The following SUGCT variants were observed in gnomAD, a reference collection of about 807,000 sequenced individuals.
The protein encoded by SUGCT is succinyl-CoA:glutarate CoA-transferase.
SUGCT carries 41 observed loss-of-function variants against 55.0 expected under a neutral mutation model. The ratio of observed to expected loss-of-function variants is 0.74; its 90% CI spans 0.58 to 0.97. The LOEUF is 0.97. SUGCT is among the 50% of genes least tolerant of loss of function. The pLI, the probability that SUGCT is intolerant of heterozygous loss-of-function variation, is 0.00. For synonymous variants in SUGCT, 187 were observed against 200.4 expected, an observed-to-expected ratio of 0.93 and a Z score of 0.56; for missense variants, 568 against 547.8, an observed-to-expected ratio of 1.04 and a Z score of -0.37.
intron 13 of SUGCT, among the ~76,000 whole-genome samples, chr7:40,859,724 T>C (rs922495599): frequency 6.6e-6 from 1 of 152,260 alleles, no homozygotes; most frequent in Admixed American, 6.5e-5. Context: ...TCATCCAAGA[T>C]GGCTCTGCTA....
intron 9 of SUGCT, among the ~76,000 whole-genome samples, chr7:40,415,048 A>C (rs1334350913): frequency 1.6e-5 from 2 of 127,928 alleles, no homozygotes; most frequent in South Asian, 2.7e-4. Flanking sequence ...CTGTCACAAA[A>C]AAAAAAAAAA....
intron 12 of SUGCT, among the ~76,000 whole-genome samples, chr7:40,652,906 T>C (rs192136881): frequency 1.3e-5 from 2 of 152,344 alleles, no homozygotes; most frequent in East Asian, 3.9e-4. Flanking sequence ...ACCTCATGTC[T>C]GTTTTATTCT....
chr7:40,597,191 A>G (rs965696207), intron 12 of SUGCT, among the ~76,000 whole-genome samples: 4 of 152,192 alleles, frequency 2.6e-5, no homozygotes, highest in Non-Finnish European at 4.4e-5. Context: ...AATCCTTAAC[A>G]TATAAAAATC....
rs369121723 is a variant in SUGCT, at chr7:40,453,753, A to C, written c.888+4395A>C. Among the ~76,000 whole-genome samples, 51 of 152,350 alleles carry C rather than the reference A, an allele frequency of 3.3e-4. No individual in the cohort carries two copies. The East Asian group carries it at 7.3e-3, about 22-fold the overall frequency. ...CCAGTGGCTCATAATATAATGTTCA[A>C]AATGTCCAGGATACAATCCATTATT... On this transcript the variant is annotated intron_variant, in intron 10 of 13. Coordinates refer to ENST00000335693, the MANE Select transcript of SUGCT (RefSeq NM_001193313.2).
At chr7:40,953,879 A>C in the SUGCT span, among the ~76,000 whole-genome samples, 3 of 152,212 alleles carry the variant, frequency 2.0e-5, no homozygotes, top group Non-Finnish European at 2.9e-5. Flanking sequence ...GGTGCCTCCC[A>C]GTTAGGCTAC....
the SUGCT span, among the ~76,000 whole-genome samples, chr7:40,876,254 G>A: frequency 6.6e-6 from 1 of 152,070 alleles, no homozygotes; most frequent in East Asian, 1.9e-4. Flanking sequence ...GATTGACACT[G>A]TCTTCATCTC....
intron 9 of SUGCT, among the ~76,000 whole-genome samples, chr7:40,362,433 CA>C (rs200051119): frequency 3.3e-5 from 5 of 150,496 alleles, no homozygotes; most frequent in Non-Finnish European, 3.0e-5. Flanking sequence ...GCTCCCCCCT[CA>C]AAAAAAAAGG....
chr7:40,348,934 G>A (rs1307422794), intron 9 of SUGCT, among the ~76,000 whole-genome samples: 1 of 151,856 alleles, frequency 6.6e-6, no homozygotes, highest in African/African-American at 2.4e-5. Flanking sequence ...TGGATAAGCA[G>A]ACACTTTTTA....
chr7:40,689,598 T>C (rs1203691801), intron 12 of SUGCT, among the ~76,000 whole-genome samples: 1 of 152,152 alleles, frequency 6.6e-6, no homozygotes, highest in Non-Finnish European at 1.5e-5. Flanking sequence ...AAGGGCATCA[T>C]ATAGCCAACA....
chr7:40,402,460 A>G (rs1320667755), intron 9 of SUGCT, among the ~76,000 whole-genome samples: 2 of 152,200 alleles, frequency 1.3e-5, no homozygotes, highest in Non-Finnish European at 2.9e-5. Context: ...TATAAGAGGA[A>G]AAGATTTTCT....
chr7:40,992,084 G>A, the SUGCT span, among the ~76,000 whole-genome samples: 5 of 152,274 alleles, frequency 3.3e-5, no homozygotes, highest in South Asian at 1.0e-3. Context: ...CATAGGCAGA[G>A]CAGCCCCGAG....
chr7:40,799,994 T>C (rs1400028107), intron 13 of SUGCT, among the ~76,000 whole-genome samples: 4 of 152,214 alleles, frequency 2.6e-5, no homozygotes, highest in Non-Finnish European at 5.9e-5. Context: ...GCACAAGTGC[T>C]ACAGTGGCTC....
intron 9 of SUGCT, among the ~76,000 whole-genome samples, chr7:40,369,608 G>A (rs190650838): frequency 6.6e-6 from 1 of 152,260 alleles, no homozygotes; most frequent in African/African-American, 2.4e-5. Context: ...CCCCTAAGAA[G>A]GGGGAGGGTG....
the SUGCT span, among the ~76,000 whole-genome samples, chr7:40,984,090 A>G: frequency 1.3e-5 from 2 of 152,082 alleles, no homozygotes; most frequent in African/African-American, 4.8e-5. Flanking sequence ...AGGTTCCACC[A>G]GGTAACCACT....
intron 12 of SUGCT, chr7:40,546,595 T>A (rs1183464451): frequency 6.6e-6 from 1 of 152,192 alleles, no homozygotes; most frequent in Non-Finnish European, 1.5e-5. Flanking sequence ...AAATATTTTT[T>A]CCTATTGACA....
chr7:40,904,384 G>A, the SUGCT span, among the ~76,000 whole-genome samples: 2 of 152,014 alleles, frequency 1.3e-5, no homozygotes, highest in African/African-American at 4.8e-5. Context: ...ACCAATGTGG[G>A]GTTCATCTGA....
the SUGCT span, among the ~76,000 whole-genome samples, chr7:41,017,050 A>G: frequency 6.6e-6 from 1 of 152,218 alleles, no homozygotes; most frequent in African/African-American, 2.4e-5. Context: ...TCTTTGAGCC[A>G]CGTTACTCAG....
At chr7:40,429,913 G>A (rs1442030323) in intron 9 of SUGCT, among the ~76,000 whole-genome samples, 1 of 152,182 alleles carries the variant, frequency 6.6e-6, no homozygotes, top group Non-Finnish European at 1.5e-5. Context: ...CATATTAAGT[G>A]AGATTATGCA....
chr7:40,384,409 G>A (rs1583566964), intron 9 of SUGCT, among the ~76,000 whole-genome samples: 1 of 152,120 alleles, frequency 6.6e-6, no homozygotes, highest in East Asian at 1.9e-4. Flanking sequence ...AAGGCTTCAC[G>A]GATATGTGGG....
Sources: gnomAD v4.1 joint callset for allele counts (sites outside exome capture counted in the v4.1 genomes callset) on GRCh38, gnomAD v4.1.1 for gene constraint, MANE v1.5 for transcripts, NCBI Gene and HGNC (gene_info 2026-07-23, HGNC 2026-07-21) for gene names.